Variants in TSPEAR observed in about 807,000 individuals in gnomAD.
TSPEAR encodes thrombospondin-type laminin G domain and EAR repeat-containing protein.
In TSPEAR, 69 loss-of-function variants were observed where a neutral mutation model predicts 71.6. That is an observed-to-expected ratio of 0.96 (90% confidence interval 0.79 to 1.18). TSPEAR has a LOEUF of 1.18. Among genes scored for constraint, TSPEAR ranks in the 50% most tolerant of loss-of-function variants. The pLI is 0.00. For synonymous variants in TSPEAR, 402 were observed against 387.2 expected (o/e 1.04, Z -0.45); for missense variants, 971 against 894.9 (o/e 1.09, Z -1.09).
intron 1 of TSPEAR, among the ~76,000 whole-genome samples, chr21:44,613,427 G>A (rs1444579607): frequency 5.9e-5 from 9 of 152,238 alleles, no homozygotes; most frequent in East Asian, 1.9e-4. Context: ...CTGGTCATTC[G>A]CTGTAGTGCC....
intron 1 of TSPEAR, among the ~76,000 whole-genome samples, chr21:44,701,872 C>T (rs893785896): frequency 6.6e-6 from 1 of 152,146 alleles, no homozygotes; most frequent in East Asian, 1.9e-4. Flanking sequence ...TAGAACGTGT[C>T]CCCCCTGAGC....
At chr21:44,706,242 C>T (rs1451189466) in intron 1 of TSPEAR, among the ~76,000 whole-genome samples, 2 of 152,344 alleles carry the variant, frequency 1.3e-5, no homozygotes, top group East Asian at 1.9e-4. Context: ...AAACATGCAC[C>T]GGCAAAACCA....
chr21:44,627,204 C>T (rs368333322), intron 1 of TSPEAR: 49 of 1,613,040 alleles, frequency 3.0e-5, no homozygotes, highest in South Asian at 2.2e-4. Context: ...TCCGCTCCAG[C>T]GCTTACTCCG....
chr21:44,699,355 G>A (rs538724412), intron 1 of TSPEAR, among the ~76,000 whole-genome samples: 1 of 146,984 alleles, frequency 6.8e-6, no homozygotes, highest in East Asian at 2.0e-4. Flanking sequence ...ACTCCAGCCT[G>A]GGTGAGAGTG....
chr21:44,707,397 AG>A (rs1270351455), intron 1 of TSPEAR, among the ~76,000 whole-genome samples: 30 of 151,546 alleles, frequency 2.0e-4, no homozygotes, highest in African/African-American at 7.1e-4. Context: ...GGGCGCAGGG[AG>A]GGGCAGAGGA....
At chr21:44,661,916 C>T (rs1555943740) in intron 1 of TSPEAR, among the ~76,000 whole-genome samples, 2 of 152,322 alleles carry the variant, frequency 1.3e-5, no homozygotes, top group South Asian at 4.1e-4. Context: ...CCAGGCCCCA[C>T]CTCCAACACT....
intron 9 of TSPEAR, among the ~76,000 whole-genome samples, chr21:44,515,208 G>A (rs17004655): frequency 0.03 from 4,618 of 152,370 alleles, 242 homozygotes; most frequent in African/African-American, 0.1. Flanking sequence ...CACAATGTGA[G>A]AAATGTTGGC....
Position 44,551,305 on chromosome 21 carries a change from A to G in TSPEAR, c.303+16480T>C, listed in dbSNP as rs782331094. 1.5e-5 allele frequency: 25 copies of G among 1,613,402 alleles called. No individual in the cohort carries two copies. Among genetic ancestry groups the G allele is most frequent in the Admixed American group, 1.0e-4 (6 of 60,010 alleles). On this transcript the variant is annotated intron_variant, in intron 2 of 11. Coordinates refer to ENST00000323084, the MANE Select transcript of TSPEAR (RefSeq NM_144991.3). ...GCCTGGCAGCAGGGGCTGGACACACAGCTCACTGGGGTGCAGACCAGGGTC... is the reference window on the plus strand; with the variant it reads ...GCCTGGCAGCAGGGGCTGGACACACGGCTCACTGGGGTGCAGACCAGGGTC...
chr21:44,518,545 C>A, intron 9 of TSPEAR: 1 of 433,606 alleles, frequency 2.3e-6, no homozygotes, highest in South Asian at 1.7e-5. Context: ...ACCTCCAGGA[C>A]AGCAGCCTCT....
chr21:44,613,943 G>A lies in TSPEAR; in HGVS notation c.83-45938C>T, dbSNP rs117535738. On this transcript the variant is annotated intron_variant, in intron 1 of 11. Transcript: ENST00000323084. ...CAAGGCCCTGTGGCTCTGCCGCCCC[G>A]ACCGGGGTCAGGGGTCCACACGGCT... 9.5e-4 allele frequency among the ~76,000 whole-genome samples: 145 copies of A among 152,208 alleles called. No homozygotes were observed. In the East Asian group the frequency reaches 0.019, roughly 20 times the overall value.
chr21:44,663,687 C>T (rs1350023960), intron 1 of TSPEAR, among the ~76,000 whole-genome samples: 1 of 151,856 alleles, frequency 6.6e-6, no homozygotes, highest in African/African-American at 2.4e-5. Context: ...TTAATAATAT[C>T]TCTTATGAAT....
At chr21:44,591,382 G>T (rs1395303794) in intron 1 of TSPEAR, 1 of 1,599,000 alleles carries the variant, frequency 6.3e-7, no homozygotes, top group South Asian at 1.1e-5. Context: ...TCACATCCAG[G>T]GCTGTCAGCA....
intron 2 of TSPEAR, among the ~76,000 whole-genome samples, chr21:44,551,800 C>G (rs1336728409): frequency 1.3e-5 from 2 of 152,158 alleles, no homozygotes; most frequent in African/African-American, 4.8e-5. Context: ...CTGGTGACTT[C>G]CACCTGGCAG....
rs897557159 is a variant in TSPEAR at position 44,593,744 on chromosome 21, T to G, written c.83-25739A>C. ...CGCGCCAGGCAAGGGACAAGCCGCG[T>G]GCCCTACACTGAGAGGACGGACTCT... On this transcript the variant is annotated intron_variant, in intron 1 of 11. Coordinates refer to ENST00000323084, the MANE Select transcript of TSPEAR (RefSeq NM_144991.3). The surrounding 1 kb of genome is among the most constrained non-coding windows in gnomAD (Gnocchi z 5.9). Among the ~76,000 whole-genome samples the G allele has an allele frequency of 2.0e-5, 3 of 152,192 alleles. No homozygotes were observed. The highest frequency in any genetic ancestry group is 4.4e-5 in the Non-Finnish European group (3 of 68,036).
At chr21:44,701,152 A>G (rs1344057768) in intron 1 of TSPEAR, among the ~76,000 whole-genome samples, 1 of 152,218 alleles carries the variant, frequency 6.6e-6, no homozygotes, top group Non-Finnish European at 1.5e-5. Context: ...ATTATTGTAC[A>G]TATCCATGGA....
In TSPEAR at chr21:44,612,085, C is replaced by A; in HGVS notation, c.83-44080G>T. ...ACCTCACACCAGCACTCACACCACC[C>A]AGTCCAGCACCCACCATGGCTGACG... On this transcript the variant is annotated intron_variant, in intron 1 of 11. Transcript: ENST00000323084. The surrounding 1 kb of genome is among the most constrained non-coding windows in gnomAD (Gnocchi z 4.1). 1 of 1,607,890 alleles carries A rather than the reference C, an allele frequency of 6.2e-7. No individual in the cohort carries two copies. Among genetic ancestry groups the A allele is most frequent in the South Asian group, 1.1e-5 (1 of 90,510 alleles).
At chr21:44,611,734 C>T (rs989887180) in intron 1 of TSPEAR, among the ~76,000 whole-genome samples, 2 of 152,176 alleles carry the variant, frequency 1.3e-5, no homozygotes, top group Non-Finnish European at 2.9e-5. Context: ...ATAGCAAAGA[C>T]ATACAGGCAA....
Position 44,504,847 on chromosome 21 carries a change from CT to C in TSPEAR, c.1788del (p.Asp597IlefsTer17). ...ALDWEFFSVG[E>X]DYFLVVANSF... ...GAGTTGGCCACCACCAGGAAATAAT[CT>C]TCTCCCACCGAGAAAAACTCCCAGT... On this transcript the variant is annotated frameshift_variant, in exon 11 of 12. Transcript: ENST00000323084. LOFTEE classifies it high-confidence loss of function. The C allele has an allele frequency of 1.9e-6, 3 of 1,613,262 alleles. No individual in the cohort carries two copies. The highest frequency in any genetic ancestry group is 2.5e-6 in the Non-Finnish European group (3 of 1,179,718).
At chr21:44,707,070 G>A (rs1459413180) in intron 1 of TSPEAR, among the ~76,000 whole-genome samples, 3 of 152,260 alleles carry the variant, frequency 2.0e-5, no homozygotes, top group Non-Finnish European at 2.9e-5. Flanking sequence ...GATCAGTGAG[G>A]AATCCCGTGG....
Sources: gnomAD v4.1 joint callset for allele counts (sites outside exome capture counted in the v4.1 genomes callset) on GRCh38, gnomAD v4.1.1 for gene constraint, Gnocchi (gnomAD v3.1) non-coding constraint, MANE v1.5 for transcripts, NCBI Gene and HGNC (gene_info 2026-07-23, HGNC 2026-07-21) for gene names.